RNF43: variants seen among roughly 807,000 people sequenced by gnomAD.
The protein encoded by RNF43 is E3 ubiquitin-protein ligase RNF43.
Under a neutral mutation model 78.4 loss-of-function variants are expected in RNF43, and 37 were observed. The observed-to-expected ratio is 0.47, with a 90% CI of 0.36 to 0.62. RNF43 has a LOEUF of 0.62. Ranked by LOEUF, RNF43 falls within the 20% of genes least tolerant of loss-of-function variation. The pLI, the probability that RNF43 is intolerant of heterozygous loss-of-function variation, is 0.00. For missense variants in RNF43, 774 were observed against 1,007.9 expected (o/e 0.77, Z 3.14); for synonymous variants, 347 against 395.0 (o/e 0.88, Z 1.44).
intron 2 of RNF43, among the ~76,000 whole-genome samples, chr17:58,410,219 ATCT>A (rs1232216759): frequency 2.0e-5 from 3 of 152,264 alleles, no homozygotes; most frequent in Non-Finnish European, 2.9e-5. Context: ...TAAAAGAGAT[ATCT>A]TCTTAACTTG....
At chr17:58,374,542 G>A (rs776519132) in intron 2 of RNF43, among the ~76,000 whole-genome samples, 11 of 151,992 alleles carry the variant, frequency 7.2e-5, no homozygotes, top group South Asian at 2.1e-4. Flanking sequence ...ACAGGCGCCC[G>A]CCACCATGTC....
chr17:58,363,104 C>T (rs747871490), intron 5 of RNF43, 171 bp downstream of exon 5: 10 of 742,326 alleles, frequency 1.3e-5, no homozygotes, highest in Admixed American at 5.6e-5. Context: ...TAGGTGAGGC[C>T]CAAAGACGGG....
intron 2 of RNF43, among the ~76,000 whole-genome samples, chr17:58,376,237 A>G (rs778047373): frequency 3.3e-5 from 5 of 152,176 alleles, no homozygotes; most frequent in South Asian, 2.1e-4. Flanking sequence ...GCATGGATGA[A>G]TATCAGAGGG....
At chr17:58,361,263 G>T (rs11079348) in intron 6 of RNF43, among the ~76,000 whole-genome samples, 20,580 of 152,140 alleles carry the variant, frequency 0.14, 1,806 homozygotes, top group East Asian at 0.2. Context: ...TATTAACCAT[G>T]GGTTCATCTC....
chr17:58,377,516 T>C (rs1183483294), intron 2 of RNF43, among the ~76,000 whole-genome samples: 1 of 152,084 alleles, frequency 6.6e-6, no homozygotes, highest in Non-Finnish European at 1.5e-5. Context: ...AGCCATGTGA[T>C]CTCATTACCT....
At position 58,397,036 on chromosome 17, in the gene RNF43, C is replaced by A. The variant is rs1262671793; in HGVS notation, c.252+18290G>T. On this transcript the variant is annotated intron_variant, in intron 2 of 9. Transcript: ENST00000407977. ...TTACCTTTATTTGATGACAGCTAAG[C>A]TTAGAAATAAAAAAAAAAAAAACTC... 3.1e-5 allele frequency among the ~76,000 whole-genome samples: 4 copies of A among 129,230 alleles called. No individual in the cohort carries two copies. The Admixed American group carries it at 3.3e-4, about 11-fold the overall frequency. 84.8% of individuals were successfully genotyped at this position (129,230 alleles called of 152,430 possible). A position where few individuals can be genotyped will look rare whatever the true frequency, so the allele number is the denominator to read the frequency against.
Position 58,362,649 on chromosome 17 carries a change from C to A in RNF43, c.583-1G>T, listed in dbSNP as rs2143460989. On this transcript the variant is annotated splice_acceptor_variant, in intron 5 of 9. Coordinates refer to ENST00000407977, the MANE Select transcript of RNF43 (RefSeq NM_017763.6). LOFTEE classifies it high-confidence loss of function. ...TTAGGATCCACACATCATAATCTGG[C>A]TGGGGAGTGAGCAGAGAGGGAAAGG... 6.2e-7 allele frequency: 1 copy of A among 1,606,322 alleles called. No homozygotes were observed. Among genetic ancestry groups the A allele is most frequent in the Non-Finnish European group, 8.5e-7 (1 of 1,175,726 alleles).
rs1972761852 is a variant in RNF43 at position 58,358,677 on chromosome 17, C to A, written c.1099G>T (p.Ala367Ser). ...AAGGGACCAGGTCGTGGGGGCCGAG[C>A]CACTGCACTCCGGGAAGGGCCCAAC... ...YLLGPSRSAV[A>S]RPPRPGPFLP... Residue 367 changes from alanine to serine, a missense_variant, in exon 9 of 10, where the codon GCT (alanine) becomes TCT (serine). Ala to Ser is a moderately conservative substitution (Grantham distance 99). Coordinates refer to ENST00000407977, the MANE Select transcript of RNF43 (RefSeq NM_017763.6). The surrounding 1 kb of genome is among the most constrained non-coding windows in gnomAD (Gnocchi z 6.2). 2 of 1,528,642 alleles carry A rather than the reference C, an allele frequency of 1.3e-6. No individual in the cohort carries two copies. The highest frequency in any genetic ancestry group is 1.3e-5 in the South Asian group (1 of 79,742). The allele number at this position is 1,528,642 out of a possible 1,614,324, so 94.7% of individuals were successfully genotyped here.
intron 2 of RNF43, among the ~76,000 whole-genome samples, chr17:58,387,426 A>T (rs1279768085): frequency 5.9e-5 from 9 of 152,124 alleles, no homozygotes; most frequent in Admixed American, 5.9e-4. Context: ...CGAGGCAGGC[A>T]GATCACTTGA....
chr17:58,364,293 G>T (rs1972903929), intron 3 of RNF43, among the ~76,000 whole-genome samples: 1 of 152,172 alleles, frequency 6.6e-6, no homozygotes, highest in Non-Finnish European at 1.5e-5. Context: ...CCTCCCTTAG[G>T]GTGGCATTAG....
At chr17:58,393,336 G>A (rs2143611513) in intron 2 of RNF43, among the ~76,000 whole-genome samples, 1 of 152,278 alleles carries the variant, frequency 6.6e-6, no homozygotes, top group South Asian at 2.1e-4. Flanking sequence ...GAACACAGGA[G>A]GCAGAGGTTG....
chr17:58,359,470 G>A (rs1039491602), intron 8 of RNF43, among the ~76,000 whole-genome samples: 3 of 151,870 alleles, frequency 2.0e-5, no homozygotes, highest in Non-Finnish European at 4.4e-5. Context: ...TGGGCATGGT[G>A]GCGGGCGCCT....
downstream of RNF43, chr17:58,353,199 G>C (rs1972602172): frequency 4.7e-6 from 1 of 215,004 alleles, no homozygotes; most frequent in South Asian, 1.9e-4. Flanking sequence ...CTTTCTTCTT[G>C]TTGGCGGTCC....
chr17:58,409,851 C>T (rs1351789042), intron 2 of RNF43, among the ~76,000 whole-genome samples: 1 of 152,064 alleles, frequency 6.6e-6, no homozygotes, highest in Non-Finnish European at 1.5e-5. Flanking sequence ...GTGCCACTGC[C>T]CTCCATCCTG....
chr17:58,358,927 T>C lies in RNF43; in HGVS notation c.953-104A>G. The C allele has an allele frequency of 8.2e-7, 1 of 1,224,274 alleles. No individual in the cohort carries two copies. The highest frequency in any genetic ancestry group is 1.1e-6 in the Non-Finnish European group (1 of 920,380). The allele number at this position is 1,224,274 out of a possible 1,614,324, so 75.8% of individuals were successfully genotyped here. The stretch of plus-strand genomic sequence containing the variant: ...CTAATCTATTTGACCCTGAGTAGCC[T>C]GTGAGCTCAGAGTTTGGGGGATCAA... On this transcript the variant is annotated intron_variant, in intron 8 of 9. Coordinates refer to ENST00000407977, the MANE Select transcript of RNF43 (RefSeq NM_017763.6). The surrounding 1 kb of genome is among the most constrained non-coding windows in gnomAD (Gnocchi z 6.2).
chr17:58,363,360 C>T lies in RNF43; in HGVS notation c.497G>A (p.Gly166Asp), dbSNP rs747700626. The T allele has an allele frequency of 1.4e-5, 23 of 1,613,686 alleles. No homozygotes were observed. The highest frequency in any genetic ancestry group is 1.2e-5 in the Non-Finnish European group (14 of 1,179,926). Residue 166 changes from glycine (G) to aspartate (D), a missense_variant, in exon 5 of 10, where the codon GGT becomes GAT. Transcript: ENST00000407977. ...CTCCATCAGCTTCTCAGCGTCATTA[C>T]CCCAGATCAACACCACTGGCCAGGT... ...GLTWPVVLIW[G>D]NDAEKLMEFV...
intron 6 of RNF43, 44 bp downstream of exon 6, chr17:58,362,500 C>A (rs753599929): frequency 8.3e-6 from 12 of 1,448,940 alleles, no homozygotes; most frequent in Non-Finnish European, 1.0e-5. Context: ...CCCACCCACA[C>A]ACACGCACAC....
chr17:58,403,549 A>G (rs918309703), intron 2 of RNF43, among the ~76,000 whole-genome samples: 6 of 152,142 alleles, frequency 3.9e-5, no homozygotes, highest in African/African-American at 1.4e-4. Flanking sequence ...GGCCTCTAAG[A>G]AGGCGCTTTT....
intron 3 of RNF43, among the ~76,000 whole-genome samples, chr17:58,368,712 CAAAAAAAAA>C (rs71365882): frequency 2.1e-5 from 2 of 95,818 alleles, no homozygotes; most frequent in Non-Finnish European, 4.4e-5. Context: ...GACTCTGTCT[CAAAAAAAAA>C]AAAAAAGAAA....
Sources: gnomAD v4.1 joint callset for allele counts (sites outside exome capture counted in the v4.1 genomes callset) on GRCh38, gnomAD v4.1.1 for gene constraint, Gnocchi (gnomAD v3.1) non-coding constraint, MANE v1.5 for transcripts, NCBI Gene and HGNC (gene_info 2026-07-23, HGNC 2026-07-21) for gene names.